The following GRIP2 variants were observed in gnomAD, a reference collection of about 807,000 sequenced individuals.
The protein encoded by GRIP2 is glutamate receptor interacting protein 2.
Under a neutral mutation model 108.3 loss-of-function variants are expected in GRIP2, and 58 were observed. The observed-to-expected ratio is 0.54, with a 90% CI of 0.43 to 0.67. The LOEUF is 0.67. Ranked by LOEUF, GRIP2 falls within the 30% of genes least tolerant of loss-of-function variation. The pLI is 0.00. For missense variants in GRIP2, 1,278 were observed against 1,430.6 expected (o/e 0.89, Z 1.72); for synonymous variants, 586 against 598.2 (o/e 0.98, Z 0.30).
intron 1 of GRIP2, among the ~76,000 whole-genome samples, chr3:14,538,656 G>T (rs555002497): frequency 1.3e-5 from 2 of 152,340 alleles, no homozygotes; most frequent in East Asian, 3.9e-4. Flanking sequence ...CTGGGGAGGA[G>T]ACCTAGGGTG....
Position 14,511,613 on chromosome 3 carries a change from G to A in GRIP2, c.1721-134C>T. On this transcript the variant is annotated intron_variant, in intron 14 of 23. Transcript: ENST00000621039. This position sits in a 1 kb window ranked among gnomAD's most constrained non-coding sequence, Gnocchi z 4.1. ...CCTGGTCCCACTGCTTCCTGGCTGG[G>A]TGACCGTGAGCAAATCAGCTCACCT... is the stretch of plus-strand genomic sequence containing the variant. 1.2e-6 allele frequency: 1 copy of A among 815,216 alleles called. No individual in the cohort carries two copies. Among genetic ancestry groups the A allele is most frequent in the Non-Finnish European group, 2.0e-6 (1 of 503,110 alleles). The allele number at this position is 815,216 out of a possible 1,614,324, so 50.5% of individuals were successfully genotyped here. A position where few individuals can be genotyped will look rare whatever the true frequency, so the allele number is the denominator to read the frequency against.
At chr3:14,549,748 C>G (rs1471377183) in intron 1 of GRIP2, among the ~76,000 whole-genome samples, 1 of 152,198 alleles carries the variant, frequency 6.6e-6, no homozygotes, top group Non-Finnish European at 1.5e-5. Context: ...TCCCATGAGG[C>G]TGGGATCATC....
chr3:14,565,026 C>T, the GRIP2 span, among the ~76,000 whole-genome samples: 2 of 152,234 alleles, frequency 1.3e-5, no homozygotes, highest in South Asian at 2.1e-4. Context: ...AGCCCACAGC[C>T]GGGCACCCGA....
chr3:14,602,793 G>C, the GRIP2 span, among the ~76,000 whole-genome samples: 1 of 151,744 alleles, frequency 6.6e-6, no homozygotes, highest in Non-Finnish European at 1.5e-5. The surrounding 1 kb of genome is among the most constrained non-coding windows in gnomAD (Gnocchi z 4.7). Flanking sequence ...GGGTGCCGGC[G>C]CCTGTCTTCG....
In GRIP2 at chr3:14,511,370, AC is replaced by A. The variant is rs1264738370; in HGVS notation, c.1787+42del. On this transcript the variant is annotated intron_variant, in intron 15 of 23. Transcript: ENST00000621039. The surrounding 1 kb of genome is among the most constrained non-coding windows in gnomAD (Gnocchi z 4.1). ...CCTGGTGCATGCAGGTGCCATACTC[AC>A]TGCTGTTGGCCACTTCCCTTCCTGT... 6.2e-7 allele frequency: 1 copy of A among 1,613,694 alleles called. No homozygotes were observed. Among genetic ancestry groups the A allele is most frequent in the Non-Finnish European group, 8.5e-7 (1 of 1,179,794 alleles).
upstream of GRIP2, among the ~76,000 whole-genome samples, chr3:14,546,118 C>T (rs536675856): frequency 6.6e-6 from 1 of 152,262 alleles, no homozygotes; most frequent in South Asian, 2.1e-4. Context: ...ATCTTCACAC[C>T]CCGTAGGGAC....
At chr3:14,580,425 A>G in the GRIP2 span, among the ~76,000 whole-genome samples, 1 of 152,178 alleles carries the variant, frequency 6.6e-6, no homozygotes, top group Non-Finnish European at 1.5e-5. Context: ...GCTGGACGCA[A>G]TGGTGCACAC....
At chr3:14,496,378 C>T (rs761330162) in intron 22 of GRIP2, 39 bp downstream of exon 22, 4 of 1,554,698 alleles carry the variant, frequency 2.6e-6, no homozygotes, top group African/African-American at 1.4e-5. Context: ...GGCACCAGAA[C>T]ACAGGTCCAG....
chr3:14,507,640 G>A lies in GRIP2; in HGVS notation c.2139C>T (p.Gly713=). The part of the protein sequence containing the change: ...ILAINNVSLK[G]RPLSEAIHLL... ...GGTGGATGGCCTCGCTCAGCGGCCG[G>A]CCCTTGAGGCTAACGTTGTTGATGG... Residue 713 remains glycine (G), a synonymous_variant, in exon 18 of 24, where the codon GGC becomes GGT. Transcript: ENST00000621039. The surrounding 1 kb of genome is among the most constrained non-coding windows in gnomAD (Gnocchi z 4.6). 1.2e-6 allele frequency: 2 copies of A among 1,613,992 alleles called. No individual in the cohort carries two copies. The highest frequency in any genetic ancestry group is 1.7e-6 in the Non-Finnish European group (2 of 1,179,866).
Position 14,522,063 on chromosome 3 carries a change from G to A in GRIP2, c.567-276C>T, listed in dbSNP as rs1694427444. ...GGGTGTGCAGTAATTCACAGACTCA[G>A]TGCAGAACCCTGAAATGTCTGAGCT... On this transcript the variant is annotated intron_variant, in intron 6 of 23. Coordinates refer to ENST00000621039, the MANE Select transcript of GRIP2 (RefSeq NM_001080423.4). This position sits in a 1 kb window ranked among gnomAD's most constrained non-coding sequence, Gnocchi z 4.3. 1 of 452,112 alleles carries A rather than the reference G, an allele frequency of 2.2e-6. No individual in the cohort carries two copies. The highest frequency in any genetic ancestry group is 3.9e-6 in the Non-Finnish European group (1 of 255,634). 28.0% of individuals were successfully genotyped at this position (452,112 alleles called of 1,614,324 possible).
upstream of GRIP2, chr3:14,542,156 T>A (rs1694986707): frequency 2.0e-6 from 2 of 1,006,250 alleles, no homozygotes; most frequent in South Asian, 1.6e-5. Flanking sequence ...ATTTTTTATT[T>A]TTTTTATTTT....
At chr3:14,516,187 G>C (rs942233963) in intron 11 of GRIP2, among the ~76,000 whole-genome samples, 1 of 152,146 alleles carries the variant, frequency 6.6e-6, no homozygotes, top group Non-Finnish European at 1.5e-5. Context: ...AAGGTGGTTA[G>C]TAGAGATATA....
At chr3:14,574,415 C>T in the GRIP2 span, 2 of 746,290 alleles carry the variant, frequency 2.7e-6, no homozygotes, top group East Asian at 2.5e-5. Flanking sequence ...CCTTGGGCTG[C>T]GAGGCTGCGG....
At chr3:14,523,832 T>C in intron 4 of GRIP2, 134 bp from the exon 5 acceptor site, 1 of 668,736 alleles carries the variant, frequency 1.5e-6, no homozygotes, top group Middle Eastern at 4.0e-4. Flanking sequence ...TTGCCCATTT[T>C]ACAGGTCGAA....
At chr3:14,537,646 C>A (rs1265142413) in intron 1 of GRIP2, among the ~76,000 whole-genome samples, 1 of 152,228 alleles carries the variant, frequency 6.6e-6, no homozygotes, top group Non-Finnish European at 1.5e-5. Flanking sequence ...GGCGAAGGAT[C>A]CCCCATGGCC....
upstream of GRIP2, among the ~76,000 whole-genome samples, chr3:14,544,235 A>G (rs1323956062): frequency 6.6e-6 from 1 of 151,920 alleles, no homozygotes; most frequent in African/African-American, 2.4e-5. Flanking sequence ...GCTCTTCCCA[A>G]CGCAGGGCCA....
At chr3:14,508,501 C>T (rs899727061) in intron 17 of GRIP2, among the ~76,000 whole-genome samples, 5 of 152,188 alleles carry the variant, frequency 3.3e-5, no homozygotes, top group African/African-American at 1.2e-4. Flanking sequence ...GGGTCTTTAA[C>T]CTCTGGGGCT....
At chr3:14,580,799 G>C in the GRIP2 span, among the ~76,000 whole-genome samples, 18 of 152,222 alleles carry the variant, frequency 1.2e-4, no homozygotes, top group Non-Finnish European at 2.6e-4. Flanking sequence ...GGCTGTGAAG[G>C]TATTTTTTAG....
chr3:14,511,466 T>C lies in GRIP2; in HGVS notation c.1734A>G (p.Lys578=). 1.2e-6 allele frequency: 2 copies of C among 1,613,492 alleles called. No homozygotes were observed. Among genetic ancestry groups the C allele is most frequent in the Non-Finnish European group, 8.5e-7 (1 of 1,179,882 alleles). Residue 578 remains lysine, a synonymous_variant, in exon 15 of 24, where the codon AAA becomes AAG. Coordinates refer to ENST00000621039, the MANE Select transcript of GRIP2 (RefSeq NM_001080423.4). The surrounding 1 kb of genome is among the most constrained non-coding windows in gnomAD (Gnocchi z 4.1). ...CGGAGATGATCAAGGGCTCCCCTCG[T>C]TTCCTGCTGGCCGCTGGAGAAAAAG... ...LGITISSASR[K]RGEPLIISDI...
Sources: allele counts gnomAD v4.1 joint callset (sites outside exome capture counted in the v4.1 genomes callset), GRCh38; gene constraint gnomAD v4.1.1; non-coding constraint Gnocchi (gnomAD v3.1); transcripts MANE v1.5; gene names NCBI Gene and HGNC (gene_info 2026-07-23, HGNC 2026-07-21).